KCNIP4: variants seen among roughly 807,000 people sequenced by gnomAD.
KCNIP4 encodes the protein Kv channel-interacting protein 4.
In KCNIP4, 12 loss-of-function variants were observed where a neutral mutation model predicts 34.0. The ratio of observed to expected loss-of-function variants is 0.35; its 90% confidence interval spans 0.23 to 0.57. KCNIP4 has a LOEUF of 0.57. Among genes scored for constraint, KCNIP4 ranks in the 20% least tolerant of loss-of-function variants. The probability of loss-of-function intolerance (pLI) is 0.83; values close to 1 mark genes in which losing one functional copy is unlikely to be tolerated. For synonymous variants in KCNIP4, 124 were observed against 102.2 expected (o/e 1.21, Z -1.29); for missense variants, 238 against 311.7 (o/e 0.76, Z 1.78).
intron 1 of KCNIP4, among the ~76,000 whole-genome samples, chr4:21,434,786 A>C (rs936398212): frequency 7.1e-6 from 1 of 140,880 alleles, no homozygotes; most frequent in Non-Finnish European, 1.5e-5. Context: ...AAAAAAAAAA[A>C]GGCTTTCCAT....
chr4:21,128,140 AT>A (rs1482770253), intron 1 of KCNIP4, among the ~76,000 whole-genome samples: 1 of 152,212 alleles, frequency 6.6e-6, no homozygotes, highest in Non-Finnish European at 1.5e-5. Flanking sequence ...AATCATTGAT[AT>A]TACAAAGAAT....
In KCNIP4 at chr4:21,489,916, G is replaced by C. The variant is rs533666169; in HGVS notation, c.61+458655C>G. ...CCAAAGTTCTTGATTTGAAGAAAAA[G>C]TGAACTTTGATAACTTTGGTGAGAT... On this transcript the variant is annotated intron_variant, in intron 1 of 8. Transcript: ENST00000382152. 1.3e-4 allele frequency among the ~76,000 whole-genome samples: 20 copies of C among 152,074 alleles called. No homozygotes were observed. The East Asian group carries it at 1.9e-3, about 15-fold the overall frequency.
At chr4:21,145,647 C>T (rs1471580770) in intron 1 of KCNIP4, among the ~76,000 whole-genome samples, 1 of 152,018 alleles carries the variant, frequency 6.6e-6, no homozygotes, top group African/African-American at 2.4e-5. Flanking sequence ...TGAAAAGGGC[C>T]CTGATTAAAG....
intron 1 of KCNIP4, among the ~76,000 whole-genome samples, chr4:21,158,321 G>A (rs1577805777): frequency 6.6e-6 from 1 of 151,936 alleles, no homozygotes; most frequent in Admixed American, 6.6e-5. Context: ...CATTACCCCA[G>A]TATCAAAGCC....
rs182607719 is a variant in KCNIP4, at chr4:21,476,095, T to A, written c.61+472476A>T. ...AAAGGTGGCTCTCTGTAAGTAAATA[T>A]CTCTAGCTCAGAAGCAAAAGGAAGG... On this transcript the variant is annotated intron_variant, in intron 1 of 8. Transcript: ENST00000382152. Among the ~76,000 whole-genome samples the A allele has an allele frequency of 1.8e-3, 278 of 152,312 alleles. 2 individuals carry two copies. The highest frequency in any genetic ancestry group is 6.5e-3 in the African/African-American group (269 of 41,570).
intron 3 of KCNIP4, among the ~76,000 whole-genome samples, chr4:20,760,282 T>C (rs1439846586): frequency 6.6e-6 from 1 of 152,116 alleles, no homozygotes; most frequent in Non-Finnish European, 1.5e-5. Context: ...TGGGGAAGGA[T>C]GAATGGTGTG....
chr4:20,900,216 C>T (rs1451537996), intron 1 of KCNIP4, among the ~76,000 whole-genome samples: 1 of 152,256 alleles, frequency 6.6e-6, no homozygotes, highest in Admixed American at 6.5e-5. Context: ...CCAAGACCAC[C>T]TATTTTAGAA....
chr4:21,022,259 G>A (rs1165980155), intron 1 of KCNIP4, among the ~76,000 whole-genome samples: 1 of 152,098 alleles, frequency 6.6e-6, no homozygotes, highest in African/African-American at 2.4e-5. Context: ...GACCATAGAA[G>A]AATGCAGCAA....
At chr4:20,957,157 T>A (rs953222669) in intron 1 of KCNIP4, among the ~76,000 whole-genome samples, 1 of 152,190 alleles carries the variant, frequency 6.6e-6, no homozygotes, top group Non-Finnish European at 1.5e-5. Flanking sequence ...AACAGATGCA[T>A]TAAGTAAAAG....
intron 1 of KCNIP4, among the ~76,000 whole-genome samples, chr4:21,741,177 C>A (rs969295495): frequency 6.6e-6 from 1 of 152,006 alleles, no homozygotes; most frequent in Admixed American, 6.6e-5. Context: ...TTATTTTTTC[C>A]ATTTTTATGA....
intron 1 of KCNIP4, among the ~76,000 whole-genome samples, chr4:21,009,178 A>G (rs1215083222): frequency 2.0e-5 from 3 of 152,330 alleles, no homozygotes; most frequent in Non-Finnish European, 1.5e-5. Context: ...ACACTATTAC[A>G]TACATCATAA....
At position 21,325,449 on chromosome 4, in the gene KCNIP4, C is replaced by A. The variant is rs1294465917; in HGVS notation, c.62-442740G>T. On this transcript the variant is annotated intron_variant, in intron 1 of 8. Coordinates refer to ENST00000382152, the MANE Select transcript of KCNIP4 (RefSeq NM_025221.6). Reference sequence around the variant, plus strand: ...TTCTGAATCATCAGTTATAATGACTCATTTTTCATCTCTGATTTTATTTAT... The same window carrying A: ...TTCTGAATCATCAGTTATAATGACTAATTTTTCATCTCTGATTTTATTTAT... Among the ~76,000 whole-genome samples the A allele has an allele frequency of 2.0e-5, 3 of 151,788 alleles. No homozygotes were observed. The East Asian group carries it at 5.8e-4, about 29-fold the overall frequency.
At chr4:21,557,947 G>A (rs1739209502) in intron 1 of KCNIP4, among the ~76,000 whole-genome samples, 1 of 152,272 alleles carries the variant, frequency 6.6e-6, no homozygotes. Context: ...ACGAATGAAG[G>A]GTGATGGGAA....
rs139112572 is a variant in KCNIP4 at position 20,751,513 on chromosome 4, T to C, written c.359-1781A>G. 9.9e-5 allele frequency among the ~76,000 whole-genome samples: 15 copies of C among 151,838 alleles called. No homozygotes were observed. In the East Asian group the frequency reaches 2.9e-3, roughly 29 times the overall value. On this transcript the variant is annotated intron_variant, in intron 4 of 8. Transcript: ENST00000382152. ...TCTGGAGATGTGAATTGATCGATGG[T>C]GTGTTGAACTGATTTTCAGAGGAGG...
At chr4:21,303,791 A>C (rs753518516) in intron 1 of KCNIP4, 4 of 1,605,588 alleles carry the variant, frequency 2.5e-6, no homozygotes, top group Non-Finnish European at 3.4e-6. Flanking sequence ...GAAGTCACTA[A>C]AAAGCACTCC....
At chr4:21,433,854 T>A (rs1040522853) in intron 1 of KCNIP4, among the ~76,000 whole-genome samples, 1 of 152,352 alleles carries the variant, frequency 6.6e-6, no homozygotes, top group Non-Finnish European at 1.5e-5. Context: ...TCCATATAAA[T>A]AATTATCAAC....
rs115953650 is a variant in KCNIP4 at position 21,592,591 on chromosome 4, T to C, written c.61+355980A>G. Among the ~76,000 whole-genome samples the C allele has an allele frequency of 3.2e-3, 486 of 152,246 alleles. 3 individuals are homozygous for C. The highest frequency in any genetic ancestry group is 0.011 in the African/African-American group (463 of 41,560). ...GAGCTCTCAGTAATTTTGTTCATAGTTGTTTGTATTCCAAGAACTCCTGAA... is the reference window on the plus strand; with the variant it reads ...GAGCTCTCAGTAATTTTGTTCATAGCTGTTTGTATTCCAAGAACTCCTGAA... On this transcript the variant is annotated intron_variant, in intron 1 of 8. Transcript: ENST00000382152.
At chr4:21,042,061 A>G (rs908168353) in intron 1 of KCNIP4, among the ~76,000 whole-genome samples, 1 of 152,234 alleles carries the variant, frequency 6.6e-6, no homozygotes, top group African/African-American at 2.4e-5. Context: ...TGCTCAGTCA[A>G]TAGCATTCTG....
At chr4:21,699,502 G>A (rs549423685) in intron 1 of KCNIP4, among the ~76,000 whole-genome samples, 1 of 152,306 alleles carries the variant, frequency 6.6e-6, no homozygotes, top group Admixed American at 6.5e-5. Context: ...AGTAGGTTGA[G>A]AGGTCAGGAA....
Sources: gnomAD v4.1 joint callset for allele counts (sites outside exome capture counted in the v4.1 genomes callset) on GRCh38, gnomAD v4.1.1 for gene constraint, MANE v1.5 for transcripts, NCBI Gene and HGNC (gene_info 2026-07-23, HGNC 2026-07-21) for gene names.